The following ASIC2 variants were observed in gnomAD, a reference collection of about 807,000 sequenced individuals.
The protein encoded by ASIC2 is acid sensing ion channel subunit 2.
In ASIC2, 25 loss-of-function variants were observed where a neutral mutation model predicts 57.3. The ratio of observed to expected loss-of-function variants is 0.44; its 90% CI spans 0.32 to 0.61. The LOEUF is 0.61. Among genes scored for constraint, ASIC2 ranks in the 20% least tolerant of loss-of-function variants. The pLI, the probability that ASIC2 is intolerant of heterozygous loss-of-function variation, is 0.06. For synonymous variants in ASIC2, 319 were observed against 307.5 expected (o/e 1.04, Z -0.39); for missense variants, 641 against 738.1 (o/e 0.87, Z 1.52).
chr17:33,200,512 T>C (rs1001367064), intron 1 of ASIC2, among the ~76,000 whole-genome samples: 2 of 152,196 alleles, frequency 1.3e-5, no homozygotes, highest in Non-Finnish European at 1.5e-5. Flanking sequence ...TCTCCAGTCC[T>C]TCTCTTCATT....
At chr17:34,113,738 A>G (rs1911348100) in intron 1 of ASIC2, among the ~76,000 whole-genome samples, 1 of 151,410 alleles carries the variant, frequency 6.6e-6, no homozygotes, top group East Asian at 2.0e-4. Flanking sequence ...TGCCGGGTGC[A>G]GTGGTGTGCA....
rs74683170 is a variant in ASIC2 at position 33,907,282 on chromosome 17, C to T, written c.555+248696G>A. Reference sequence around the variant, plus strand: ...GGGTCAGGCGATAAGACAACTCCAGCATCCTTCCCCTGATGGGAGTGGGAT... The same window carrying T: ...GGGTCAGGCGATAAGACAACTCCAGTATCCTTCCCCTGATGGGAGTGGGAT... On this transcript the variant is annotated intron_variant, in intron 1 of 9. Transcript: ENST00000359872. 3.3e-4 allele frequency among the ~76,000 whole-genome samples: 51 copies of T among 152,306 alleles called. 1 individual carries two copies. In the East Asian group the frequency reaches 9.1e-3, roughly 27 times the overall value.
chr17:33,933,072 C>T (rs1256971272), intron 1 of ASIC2, among the ~76,000 whole-genome samples: 2 of 152,144 alleles, frequency 1.3e-5, no homozygotes, highest in African/African-American at 4.8e-5. Context: ...CCATGTCCTC[C>T]CACCCTCGTA....
intron 1 of ASIC2, among the ~76,000 whole-genome samples, chr17:34,032,286 A>T (rs1272748347): frequency 6.6e-6 from 1 of 152,208 alleles, no homozygotes; most frequent in East Asian, 1.9e-4. Flanking sequence ...AAGGAGAAAT[A>T]AAATACTTTA....
intron 1 of ASIC2, among the ~76,000 whole-genome samples, chr17:33,201,515 G>T (rs73279756): frequency 5.8e-4 from 88 of 152,266 alleles, no homozygotes; most frequent in Admixed American, 2.0e-4. Context: ...ACATCTAAAC[G>T]TTACCACCCC....
intron 1 of ASIC2, chr17:34,037,956 C>T (rs1224670803): frequency 6.2e-7 from 1 of 1,613,752 alleles, no homozygotes; most frequent in African/African-American, 1.3e-5. Flanking sequence ...CACACATCAA[C>T]TTTATTTGAG....
Position 33,013,630 on chromosome 17 carries a change from T to C in ASIC2, c.*335A>G. The stretch of plus-strand genomic sequence containing the variant: ...GGACACTGGAAACCGCGTGGAGGAG[T>C]GTCATGTACAAGACAGACGTGGAGG... On this transcript the variant is annotated 3_prime_UTR_variant, in exon 10 of 10. Coordinates refer to ENST00000225823, the MANE Select transcript of ASIC2 (RefSeq NM_183377.2). The C allele has an allele frequency of 3.3e-6, 1 of 299,934 alleles. No homozygotes were observed. The highest frequency in any genetic ancestry group is 2.1e-5 in the African/African-American group (1 of 47,608). 18.6% of individuals were successfully genotyped at this position (299,934 alleles called of 1,614,324 possible).
intron 1 of ASIC2, among the ~76,000 whole-genome samples, chr17:34,133,137 G>C (rs750459410): frequency 3.7e-4 from 56 of 152,320 alleles, no homozygotes; most frequent in Non-Finnish European, 6.2e-4. Flanking sequence ...TGTTCATACT[G>C]ACTCTGGGAT....
In ASIC2 at chr17:33,401,789, T is replaced by A. The variant is rs1488265673; in HGVS notation, c.556-289722A>T. ...TGGGTAAATTGGACACAACACTTAATAAACAGGACTTGGCAGGCCTGGAAA... is the reference window on the plus strand; with the variant it reads ...TGGGTAAATTGGACACAACACTTAAAAAACAGGACTTGGCAGGCCTGGAAA... On this transcript the variant is annotated intron_variant, in intron 1 of 9. Transcript: ENST00000359872. Among the ~76,000 whole-genome samples the A allele has an allele frequency of 5.9e-5, 9 of 152,218 alleles. No individual in the cohort carries two copies. The South Asian group carries it at 1.7e-3, about 28-fold the overall frequency.
At chr17:33,762,736 A>G (rs1041590208) in intron 1 of ASIC2, among the ~76,000 whole-genome samples, 1 of 152,178 alleles carries the variant, frequency 6.6e-6, no homozygotes, top group African/African-American at 2.4e-5. Context: ...CTGGGCTCAA[A>G]GATACTGTAT....
At chr17:33,142,743 A>C (rs544033547) in intron 1 of ASIC2, among the ~76,000 whole-genome samples, 10 of 152,324 alleles carry the variant, frequency 6.6e-5, no homozygotes, top group African/African-American at 2.4e-4. Flanking sequence ...TTTGGGCCTC[A>C]CTGGAAATAT....
intron 1 of ASIC2, among the ~76,000 whole-genome samples, chr17:33,351,017 C>T (rs935367622): frequency 6.6e-6 from 1 of 152,170 alleles, no homozygotes; most frequent in Admixed American, 6.5e-5. Context: ...CAGGGAGAAT[C>T]AGCTAATTCT....
intron 3 of ASIC2, among the ~76,000 whole-genome samples, chr17:33,044,555 T>C (rs1001894963): frequency 2.6e-5 from 4 of 152,026 alleles, no homozygotes; most frequent in Non-Finnish European, 5.9e-5. Context: ...AGAGATGGGG[T>C]TTCACCATGT....
At chr17:34,130,101 A>G (rs1010934765) in intron 1 of ASIC2, among the ~76,000 whole-genome samples, 5 of 152,230 alleles carry the variant, frequency 3.3e-5, no homozygotes, top group African/African-American at 4.8e-5. Flanking sequence ...TGTGGGGTTT[A>G]GGAGTTAATA....
At chr17:33,359,625 A>T (rs1452963462) in intron 1 of ASIC2, among the ~76,000 whole-genome samples, 2 of 152,240 alleles carry the variant, frequency 1.3e-5, no homozygotes, top group Non-Finnish European at 2.9e-5. Context: ...TCTCCCCTAA[A>T]GCTAAATATA....
intron 1 of ASIC2, among the ~76,000 whole-genome samples, chr17:33,811,910 T>C (rs1437028047): frequency 2.0e-5 from 3 of 152,180 alleles, no homozygotes; most frequent in Non-Finnish European, 4.4e-5. Context: ...GCTTGGCTAA[T>C]TCATATTCAT....
At chr17:33,030,583 T>C (rs896667514) in intron 3 of ASIC2, among the ~76,000 whole-genome samples, 3 of 152,258 alleles carry the variant, frequency 2.0e-5, no homozygotes, top group African/African-American at 7.2e-5. Flanking sequence ...AGAGAGAGGA[T>C]ATCTTCCCTT....
chr17:33,890,624 T>C (rs1401060820), intron 1 of ASIC2, among the ~76,000 whole-genome samples: 4 of 152,144 alleles, frequency 2.6e-5, no homozygotes, highest in African/African-American at 7.2e-5. Context: ...AGTCCAGGTC[T>C]GAACCACCGT....
chr17:34,080,698 G>A (rs991507594), intron 1 of ASIC2, among the ~76,000 whole-genome samples: 3 of 152,144 alleles, frequency 2.0e-5, no homozygotes, highest in Non-Finnish European at 2.9e-5. Context: ...CAGAGAACCC[G>A]GGCACCTTAG....
Sources: allele counts gnomAD v4.1 joint callset (sites outside exome capture counted in the v4.1 genomes callset), GRCh38; gene constraint gnomAD v4.1.1; transcripts MANE v1.5; gene names NCBI Gene and HGNC (gene_info 2026-07-23, HGNC 2026-07-21).